The following MSRA variants were observed in gnomAD, a reference collection of about 807,000 sequenced individuals.
MSRA encodes methionine sulfoxide reductase A.
Under a neutral mutation model 31.3 loss-of-function variants are expected in MSRA, and 54 were observed. The ratio of observed to expected loss-of-function variants is 1.73; its 90% confidence interval spans 1.39 to 2.17. The LOEUF is 2.17. Among genes scored for constraint, MSRA ranks in the 30% most tolerant of loss-of-function variants. The probability of loss-of-function intolerance (pLI) is 0.00; values close to 1 mark genes in which losing one functional copy is unlikely to be tolerated. For synonymous variants in MSRA, 169 were observed against 116.5 expected (o/e 1.45, Z -2.90); for missense variants, 507 against 300.9 (o/e 1.69, Z -5.07).
intron 3 of MSRA, among the ~76,000 whole-genome samples, chr8:10,295,179 G>A (rs761682482): frequency 7.2e-5 from 11 of 152,054 alleles, no homozygotes; most frequent in South Asian, 2.1e-4. Context: ...GTCTTGCTAC[G>A]TTCTCAGATA....
At chr8:10,343,797 G>A (rs1310988622) in intron 5 of MSRA, among the ~76,000 whole-genome samples, 1 of 152,044 alleles carries the variant, frequency 6.6e-6, no homozygotes, top group Non-Finnish European at 1.5e-5. Flanking sequence ...AAATAACAAA[G>A]GACAGAGATT....
At chr8:10,347,384 A>C (rs145711234) in intron 5 of MSRA, among the ~76,000 whole-genome samples, 2 of 152,294 alleles carry the variant, frequency 1.3e-5, no homozygotes, top group African/African-American at 4.8e-5. Context: ...AAAACCAAAC[A>C]TTTGATCTTT....
chr8:10,278,957 G>A (rs149496491), intron 3 of MSRA, among the ~76,000 whole-genome samples: 2 of 152,244 alleles, frequency 1.3e-5, no homozygotes, highest in Non-Finnish European at 2.9e-5. Context: ...CATTGAGCAT[G>A]CCTAGTAACT....
intron 1 of MSRA, among the ~76,000 whole-genome samples, chr8:10,086,663 C>T (rs187251686): frequency 2.0e-5 from 3 of 152,216 alleles, no homozygotes; most frequent in South Asian, 2.1e-4. Context: ...GTTATTAATA[C>T]GTGATTTCAC....
intron 1 of MSRA, among the ~76,000 whole-genome samples, chr8:10,196,677 G>C (rs1585143627): frequency 6.6e-6 from 1 of 151,968 alleles, no homozygotes; most frequent in Non-Finnish European, 1.5e-5. Context: ...ACCCTCCCGA[G>C]TAGCTGGAAT....
chr8:10,171,328 G>C (rs1285261950), intron 1 of MSRA, among the ~76,000 whole-genome samples: 1 of 149,952 alleles, frequency 6.7e-6, no homozygotes, highest in Non-Finnish European at 1.5e-5. Flanking sequence ...AGTAGTGACA[G>C]ACCTGACATT....
intron 1 of MSRA, among the ~76,000 whole-genome samples, chr8:10,158,308 C>T (rs776791184): frequency 2.6e-5 from 4 of 152,344 alleles, no homozygotes; most frequent in Non-Finnish European, 5.9e-5. Flanking sequence ...ACCATCACCA[C>T]AGTCAATTTT....
intron 2 of MSRA, among the ~76,000 whole-genome samples, chr8:10,216,880 C>CG (rs1414455873): frequency 6.6e-6 from 1 of 152,210 alleles, no homozygotes; most frequent in Admixed American, 6.5e-5. Context: ...GTACAGATCT[C>CG]TCTTCAAGTC....
chr8:10,242,518 T>C (rs920428113), intron 2 of MSRA, among the ~76,000 whole-genome samples: 6 of 152,288 alleles, frequency 3.9e-5, no homozygotes, highest in Admixed American at 2.6e-4. Context: ...TAAGGGTGTT[T>C]GCCTAATAAC....
Position 10,242,995 on chromosome 8 carries a change from A to G in MSRA, c.212-2109A>G, listed in dbSNP as rs145706019. 1.8e-3 allele frequency among the ~76,000 whole-genome samples: 276 copies of G among 152,182 alleles called. 2 individuals are homozygous for G. The highest frequency in any genetic ancestry group is 6.4e-3 in the African/African-American group (264 of 41,510). On this transcript the variant is annotated intron_variant, in intron 2 of 5. Coordinates refer to ENST00000317173, the MANE Select transcript of MSRA (RefSeq NM_012331.5). ...ATGGGGTCATTTCTTGATCCCTATT[A>G]AGCATTAAAAGGGGATTAAATATCT...
intron 4 of MSRA, among the ~76,000 whole-genome samples, chr8:10,304,779 A>T (rs559252846): frequency 4.6e-5 from 7 of 152,334 alleles, no homozygotes; most frequent in African/African-American, 1.7e-4. Context: ...AGGGTGGTGA[A>T]GATATGTAAG....
chr8:10,267,915 C>G (rs142567619), intron 3 of MSRA, among the ~76,000 whole-genome samples: 100 of 152,304 alleles, frequency 6.6e-4, no homozygotes, highest in Non-Finnish European at 1.1e-3. Flanking sequence ...TTTACCTTCT[C>G]TAGGGACCTT....
chr8:10,098,736 C>G (rs115979594), intron 1 of MSRA, among the ~76,000 whole-genome samples: 2 of 152,284 alleles, frequency 1.3e-5, no homozygotes, highest in African/African-American at 4.8e-5. Context: ...TTGGTTGTTA[C>G]ATTTTATTGG....
intron 5 of MSRA, among the ~76,000 whole-genome samples, chr8:10,414,051 C>A (rs1808315028): frequency 6.6e-6 from 1 of 152,068 alleles, no homozygotes; most frequent in African/African-American, 2.4e-5. Flanking sequence ...CCTGTAGTCC[C>A]TGCTACTTGC....
intron 1 of MSRA, among the ~76,000 whole-genome samples, chr8:10,206,619 G>A (rs1359712891): frequency 6.6e-6 from 1 of 152,074 alleles, no homozygotes; most frequent in Non-Finnish European, 1.5e-5. Flanking sequence ...TCTCTGGCCC[G>A]GGAAGATGAC....
chr8:10,150,217 CTT>C (rs1227919358), intron 1 of MSRA, among the ~76,000 whole-genome samples: 2 of 152,082 alleles, frequency 1.3e-5, no homozygotes, highest in African/African-American at 4.8e-5. Flanking sequence ...ATTCTCGGCT[CTT>C]TTCAAATTGA....
chr8:10,354,162 T>C (rs1310486324), intron 5 of MSRA, among the ~76,000 whole-genome samples: 1 of 152,244 alleles, frequency 6.6e-6, no homozygotes, highest in South Asian at 2.1e-4. Flanking sequence ...CATTTGCTTT[T>C]TGTTTGTAAG....
At chr8:10,082,274 G>T (rs1254846391) in intron 1 of MSRA, among the ~76,000 whole-genome samples, 1 of 152,108 alleles carries the variant, frequency 6.6e-6, no homozygotes, top group African/African-American at 2.4e-5. Context: ...ACACAGGTGA[G>T]AATGTCCTAG....
chr8:10,387,449 A>G lies in MSRA; in HGVS notation c.544-40699A>G, dbSNP rs573302363. Among the ~76,000 whole-genome samples, 7 of 152,374 alleles carry G rather than the reference A, an allele frequency of 4.6e-5. No homozygotes were observed. The South Asian group carries it at 1.4e-3, about 32-fold the overall frequency. ...GAGCCATACAAACTATGAGACTCTA[A>G]GAAGGGTCAGGGAGTTGAGGCTTAA... On this transcript the variant is annotated intron_variant, in intron 5 of 5. Transcript: ENST00000317173.
Sources: allele counts gnomAD v4.1 joint callset (sites outside exome capture counted in the v4.1 genomes callset), GRCh38; gene constraint gnomAD v4.1.1; transcripts MANE v1.5; gene names NCBI Gene and HGNC (gene_info 2026-07-23, HGNC 2026-07-21).